ATE1: variants seen among roughly 807,000 people sequenced by gnomAD.
ATE1 encodes arginyl-tRNA--protein transferase 1.
ATE1 carries 36 observed loss-of-function variants against 70.5 expected under a neutral mutation model. The ratio of observed to expected loss-of-function variants is 0.51; its 90% CI spans 0.39 to 0.67. The LOEUF (loss-of-function observed/expected upper bound fraction) is 0.67, where lower values mean the gene tolerates loss of function less well. ATE1 is among the 30% of genes least tolerant of loss of function. The pLI is 0.00. For synonymous variants in ATE1, 232 were observed against 219.3 expected (o/e 1.06, Z -0.51); for missense variants, 593 against 629.5 (o/e 0.94, Z 0.62).
chr10:121,887,247 T>C (rs1018764038), intron 7 of ATE1, among the ~76,000 whole-genome samples: 4 of 152,172 alleles, frequency 2.6e-5, no homozygotes, highest in Non-Finnish European at 4.4e-5. Flanking sequence ...CAAGTCTCCA[T>C]GGGGTCAGAA....
chr10:121,834,501 G>T (rs1234655898), intron 10 of ATE1, among the ~76,000 whole-genome samples: 1 of 152,120 alleles, frequency 6.6e-6, no homozygotes, highest in South Asian at 2.1e-4. Flanking sequence ...AATTAAGGTA[G>T]ACTGAAAAGC....
At chr10:121,864,728 C>G (rs1040637891) in intron 8 of ATE1, among the ~76,000 whole-genome samples, 1 of 152,174 alleles carries the variant, frequency 6.6e-6, no homozygotes, top group African/African-American at 2.4e-5. Flanking sequence ...GGCTTATTAA[C>G]GATACCTCTT....
At chr10:121,924,538 A>C (rs1467218092) in intron 1 of ATE1, among the ~76,000 whole-genome samples, 1 of 152,018 alleles carries the variant, frequency 6.6e-6, no homozygotes, top group Non-Finnish European at 1.5e-5. Flanking sequence ...ATCTCTACTA[A>C]AAATACAAAA....
At chr10:121,755,180 A>C (rs1177811376) in intron 11 of ATE1, among the ~76,000 whole-genome samples, 1 of 152,226 alleles carries the variant, frequency 6.6e-6, no homozygotes, top group African/African-American at 2.4e-5. Context: ...TGTGCTATAA[A>C]GGACATTACA....
chr10:121,926,952 C>A, intron 1 of ATE1: 1 of 985,446 alleles, frequency 1.0e-6, no homozygotes, highest in Non-Finnish European at 1.2e-6. Context: ...AATGAAGGAG[C>A]AAATGCACAC....
chr10:121,759,762 G>C (rs921337218), intron 11 of ATE1, among the ~76,000 whole-genome samples: 2 of 151,088 alleles, frequency 1.3e-5, no homozygotes, highest in African/African-American at 4.9e-5. Context: ...GAAGCAGCAA[G>C]TGCTAATATA....
chr10:121,770,465 A>C (rs1351480219), intron 11 of ATE1, among the ~76,000 whole-genome samples: 1 of 152,222 alleles, frequency 6.6e-6, no homozygotes, highest in East Asian at 1.9e-4. Context: ...TTTATAAACA[A>C]AAGCAAAACT....
intron 11 of ATE1, among the ~76,000 whole-genome samples, chr10:121,784,291 G>A (rs1260696094): frequency 6.6e-6 from 1 of 152,136 alleles, no homozygotes; most frequent in African/African-American, 2.4e-5. Context: ...TGGCTTTAAA[G>A]CAATCTTTTA....
intron 9 of ATE1, 28 bp from the exon 10 acceptor site, chr10:121,836,845 A>G: frequency 7.0e-7 from 1 of 1,421,620 alleles, no homozygotes; most frequent in Non-Finnish European, 9.8e-7. Context: ...AGAAAGCTGA[A>G]GGCAGTTAAT....
At position 121,743,645 on chromosome 10, in the gene ATE1, C is replaced by T; in HGVS notation, c.*35G>A. The T allele has an allele frequency of 6.4e-7, 1 of 1,556,866 alleles. No homozygotes were observed. Among genetic ancestry groups the T allele is most frequent in the Non-Finnish European group, 8.7e-7 (1 of 1,154,042 alleles). ...TATGTATCCTGGCACAAATCATCAGCACAACACAGGAACTTCCCGGCAGAG... is the reference window on the plus strand; with the variant it reads ...TATGTATCCTGGCACAAATCATCAGTACAACACAGGAACTTCCCGGCAGAG... On this transcript the variant is annotated 3_prime_UTR_variant, in exon 12 of 12. Transcript: ENST00000224652.
intron 11 of ATE1, among the ~76,000 whole-genome samples, chr10:121,770,233 AACACACACACACACACAC>A (rs3036837): frequency 1.2e-4 from 17 of 136,926 alleles, no homozygotes; most frequent in African/African-American, 3.5e-4. Flanking sequence ...ACAAGAGAGA[AACACACACACACACACAC>A]ACACACACAC....
chr10:121,822,064 T>C (rs1430178713), intron 10 of ATE1, among the ~76,000 whole-genome samples: 1 of 152,180 alleles, frequency 6.6e-6, no homozygotes, highest in Non-Finnish European at 1.5e-5. Flanking sequence ...TCATCAGGAA[T>C]GCATATATAT....
At chr10:121,816,557 C>T (rs1453517161) in intron 10 of ATE1, among the ~76,000 whole-genome samples, 1 of 152,088 alleles carries the variant, frequency 6.6e-6, no homozygotes, top group Non-Finnish European at 1.5e-5. Flanking sequence ...ACTATTTGTC[C>T]CCTTTTTGTT....
At chr10:121,758,639 T>G (rs1320499780) in intron 11 of ATE1, among the ~76,000 whole-genome samples, 3 of 151,670 alleles carry the variant, frequency 2.0e-5, no homozygotes, top group Non-Finnish European at 3.0e-5. Context: ...ATTGAGGGTT[T>G]GTTTGTTTGT....
intron 7 of ATE1, among the ~76,000 whole-genome samples, chr10:121,891,712 G>T (rs1220515354): frequency 6.6e-6 from 1 of 152,154 alleles, no homozygotes; most frequent in Non-Finnish European, 1.5e-5. Flanking sequence ...ATTTTTCAGA[G>T]TATTTAAATG....
At chr10:121,899,794 G>T in intron 7 of ATE1, 72 bp downstream of exon 7, 2 of 1,541,246 alleles carry the variant, frequency 1.3e-6, no homozygotes, top group South Asian at 1.2e-5. Context: ...AATAAACCAA[G>T]ATTTCATTAA....
chr10:121,770,331 G>A (rs1945459393), intron 11 of ATE1, among the ~76,000 whole-genome samples: 2 of 142,956 alleles, frequency 1.4e-5, no homozygotes, highest in African/African-American at 5.2e-5. Context: ...AACTCACAAA[G>A]GAAATACAGA....
chr10:121,889,795 C>T (rs865788610), intron 7 of ATE1, among the ~76,000 whole-genome samples: 4 of 151,442 alleles, frequency 2.6e-5, no homozygotes, highest in Non-Finnish European at 5.9e-5. Flanking sequence ...CCTGGGTGAC[C>T]GACCAAGACC....
At chr10:121,914,519 A>G (rs1466838782) in intron 3 of ATE1, among the ~76,000 whole-genome samples, 3 of 152,150 alleles carry the variant, frequency 2.0e-5, no homozygotes, top group Non-Finnish European at 4.4e-5. Flanking sequence ...GAAAAAAAAA[A>G]AGCCAATTTT....
Sources: gnomAD v4.1 joint callset for allele counts (sites outside exome capture counted in the v4.1 genomes callset) on GRCh38, gnomAD v4.1.1 for gene constraint, MANE v1.5 for transcripts, NCBI Gene and HGNC (gene_info 2026-07-23, HGNC 2026-07-21) for gene names.